The following SUN2 variants were observed in gnomAD, a reference collection of about 807,000 sequenced individuals.
The protein encoded by SUN2 is Sad1 and UNC84 domain containing 2, also known as SUN domain-containing protein 2.
SUN2 carries 60 observed loss-of-function variants against 100.0 expected under a neutral mutation model. That is an observed-to-expected ratio of 0.60 (90% CI 0.49 to 0.74). SUN2 has a LOEUF of 0.74. SUN2 is among the 30% of genes least tolerant of loss of function. SUN2 has a pLI of 0.00. For missense variants in SUN2, 834 were observed against 954.6 expected (o/e 0.87, Z 1.66); for synonymous variants, 367 against 403.3 (o/e 0.91, Z 1.08).
intron 8 of SUN2, chr22:38,744,964 C>T: frequency 2.2e-6 from 1 of 453,368 alleles, no homozygotes; most frequent in East Asian, 7.0e-5. Flanking sequence ...TGCAGCCGCA[C>T]CTCTGTCATG....
At chr22:38,743,910 A>G (rs2092880596) in intron 8 of SUN2, 1 of 152,184 alleles carries the variant, frequency 6.6e-6, no homozygotes, top group Non-Finnish European at 1.5e-5. Flanking sequence ...TGGAAAGACC[A>G]TGGTCTGGAA....
chr22:38,738,310 G>T lies in SUN2; in HGVS notation c.1948-45C>A. The T allele has an allele frequency of 1.3e-6, 2 of 1,521,012 alleles. No individual in the cohort carries two copies. The highest frequency in any genetic ancestry group is 1.8e-6 in the Non-Finnish European group (2 of 1,100,214). The allele number at this position is 1,521,012 out of a possible 1,614,324, so 94.2% of individuals were successfully genotyped here. On this transcript the variant is annotated intron_variant, in intron 16 of 17. Transcript: ENST00000689035. The surrounding 1 kb of genome is among the most constrained non-coding windows in gnomAD (Gnocchi z 6.6). ...AAGTGGGGAGGGGCTGGAGCAGGGA[G>T]AACACCCCTCCCCACTCCAATCCCT...
Position 38,739,008 on chromosome 22 carries a change from C to T in SUN2, c.1664-20G>A. On this transcript the variant is annotated intron_variant, in intron 14 of 17. Coordinates refer to ENST00000689035, the MANE Select transcript of SUN2 (RefSeq NM_015374.3). The surrounding 1 kb of genome is among the most constrained non-coding windows in gnomAD (Gnocchi z 6.7). ...TGGCCCCTGAGACAGGAGAGGAAGG[C>T]AGGGTGGGCTCCCGCACGGGAGGAG... is the stretch of plus-strand genomic sequence containing the variant. 1 of 1,597,424 alleles carries T rather than the reference C, an allele frequency of 6.3e-7. No individual in the cohort carries two copies. Among genetic ancestry groups the T allele is most frequent in the Non-Finnish European group, 8.5e-7 (1 of 1,172,284 alleles).
chr22:38,739,669 C>A lies in SUN2; in HGVS notation c.1578+53G>T. 1 of 1,587,424 alleles carries A rather than the reference C, an allele frequency of 6.3e-7. No homozygotes were observed. The highest frequency in any genetic ancestry group is 8.6e-7 in the Non-Finnish European group (1 of 1,162,326). On this transcript the variant is annotated intron_variant, in intron 13 of 17. Transcript: ENST00000689035. The surrounding 1 kb of genome is among the most constrained non-coding windows in gnomAD (Gnocchi z 6.7). ...TGGCAGTGTGGGACTGTCCAGGGCTCCCAGGGAGGAGAGCTGTGGGTGGGT... is the reference window on the plus strand; with the variant it reads ...TGGCAGTGTGGGACTGTCCAGGGCTACCAGGGAGGAGAGCTGTGGGTGGGT...
At chr22:38,745,067 G>A (rs1373724014) in intron 8 of SUN2, 14 of 470,910 alleles carry the variant, frequency 3.0e-5, no homozygotes, top group Non-Finnish European at 5.7e-5. Context: ...CCAACAGAAT[G>A]TGGCGGGAGT....
chr22:38,740,454 T>C lies in SUN2; in HGVS notation c.1191-22A>G. On this transcript the variant is annotated intron_variant, in intron 11 of 17. Transcript: ENST00000689035. The surrounding 1 kb of genome is among the most constrained non-coding windows in gnomAD (Gnocchi z 4.8). The stretch of plus-strand genomic sequence containing the variant: ...CATGCTGGTCCCAGAGAGAGAAGAG[T>C]AAGCCTCGGATCTCTTTGGTGGGAG... 3.4e-6 allele frequency: 5 copies of C among 1,458,230 alleles called. No homozygotes were observed. In the South Asian group the frequency reaches 7.0e-5, roughly 20 times the overall value. The allele number at this position is 1,458,230 out of a possible 1,614,324, so 90.3% of individuals were successfully genotyped here.
chr22:38,748,975 T>TAG (rs1381414745), intron 6 of SUN2, 192 bp from the exon 7 acceptor site: 1 of 553,408 alleles, frequency 1.8e-6, no homozygotes, highest in Non-Finnish European at 3.3e-6. Flanking sequence ...GGGCAGGTCT[T>TAG]AGAGTGATGG....
rs2092975621 is a variant in SUN2 at position 38,755,058 on chromosome 22, G to A, written c.-38+705C>T. On this transcript the variant is annotated intron_variant, in intron 1 of 17. Coordinates refer to ENST00000689035, the MANE Select transcript of SUN2 (RefSeq NM_015374.3). The surrounding 1 kb of genome is among the most constrained non-coding windows in gnomAD (Gnocchi z 5.7). ...TCAGTTAGGAAACGCTCATCGGAAA[G>A]CATCCTTCCCCACTTCTCAGCTGGG... is the stretch of plus-strand genomic sequence containing the variant. 4.9e-6 allele frequency: 5 copies of A among 1,028,578 alleles called. No individual in the cohort carries two copies. In the East Asian group the frequency reaches 3.1e-4, roughly 64 times the overall value. The allele number at this position is 1,028,578 out of a possible 1,614,324, so 63.7% of individuals were successfully genotyped here.
At chr22:38,753,499 A>T (rs971988262) in intron 1 of SUN2, among the ~76,000 whole-genome samples, 4 of 152,108 alleles carry the variant, frequency 2.6e-5, no homozygotes, top group Non-Finnish European at 5.9e-5. Context: ...TACAGGCATG[A>T]GCCACCACGC....
chr22:38,750,201 A>G (rs766166818), intron 5 of SUN2, 24 bp downstream of exon 5: 1 of 1,603,904 alleles, frequency 6.2e-7, no homozygotes, highest in South Asian at 1.1e-5. Flanking sequence ...GAATGGAAGT[A>G]ACTGGGCACG....
chr22:38,739,752 C>A lies in SUN2; in HGVS notation c.1548G>T (p.Gln516His), dbSNP rs746147670. The stretch of plus-strand genomic sequence containing the variant: ...CTGTCACTCCAATCACACCTTCTTT[C>A]TGCAGCGTCAGGCTCAGGGAGGCCG... ...EAAASLSLTL[Q>H]KEGVIGVTEE... is the part of the protein sequence containing the mutation. Residue 516 changes from glutamine to histidine, a missense_variant, in exon 13 of 18, where the codon CAG becomes CAT. Transcript: ENST00000689035. The surrounding 1 kb of genome is among the most constrained non-coding windows in gnomAD (Gnocchi z 6.7). 1 of 1,613,732 alleles carries A rather than the reference C, an allele frequency of 6.2e-7. No homozygotes were observed. Among genetic ancestry groups the A allele is most frequent in the East Asian group, 2.2e-5 (1 of 44,886 alleles).
chr22:38,750,165 G>T (rs1480641252), intron 5 of SUN2, 60 bp downstream of exon 5: 1 of 1,582,936 alleles, frequency 6.3e-7, no homozygotes, highest in Non-Finnish European at 8.6e-7. Flanking sequence ...ACTGCAGAGA[G>T]ATGGGTAAGA....
chr22:38,745,231 A>ACCAGCTGGCCC (rs939909435), intron 8 of SUN2: 4 of 468,864 alleles, frequency 8.5e-6, no homozygotes, highest in Admixed American at 2.4e-5. Flanking sequence ...AAGGGCCTTG[A>ACCAGCTGGCCC]CCAGCTGGCC....
rs1260872897 is a variant in SUN2 at position 38,751,150 on chromosome 22, AGGAGTATCTCGCGGGAG to A, written c.286+43_286+59del. ...CCCGGGGACTGCAGGGGACACTGTG[AGGAGTATCTCGCGGGAG>A]GCCGAGGAAGCAAAGCCCCGGGACG... is the stretch of plus-strand genomic sequence containing the variant. On this transcript the variant is annotated intron_variant, in intron 3 of 17. Coordinates refer to ENST00000689035, the MANE Select transcript of SUN2 (RefSeq NM_015374.3). The A allele has an allele frequency of 1.9e-6, 3 of 1,605,492 alleles. No homozygotes were observed. In the East Asian group the frequency reaches 6.7e-5, roughly 36 times the overall value.
Position 38,736,186 on chromosome 22 carries a change from G to C in SUN2, c.*81C>G, listed in dbSNP as rs377680508. 2.3e-6 allele frequency: 3 copies of C among 1,323,848 alleles called. No homozygotes were observed. Among genetic ancestry groups the C allele is most frequent in the African/African-American group, 1.4e-5 (1 of 69,010 alleles). 82.0% of individuals were successfully genotyped at this position (1,323,848 alleles called of 1,614,324 possible). ...CTCTTGTGCTCCTAGAAGTCAGAGC[G>C]CCGAGCAAGCGTGTGGGGGAAGCGG... On this transcript the variant is annotated 3_prime_UTR_variant, in exon 18 of 18. Coordinates refer to ENST00000689035, the MANE Select transcript of SUN2 (RefSeq NM_015374.3).
At chr22:38,742,850 T>A in intron 8 of SUN2, 1 of 356,166 alleles carries the variant, frequency 2.8e-6, no homozygotes, top group Non-Finnish European at 5.2e-6. Flanking sequence ...AAGGTCTGAG[T>A]GCAGGGATGG....
Position 38,755,834 on chromosome 22 carries a change from T to G in SUN2, c.-109A>C. The G allele has an allele frequency of 1.0e-6, 1 of 982,966 alleles. No individual in the cohort carries two copies. The highest frequency in any genetic ancestry group is 1.2e-6 in the Non-Finnish European group (1 of 829,064). The allele number at this position is 982,966 out of a possible 1,614,324, so 60.9% of individuals were successfully genotyped here. A position where few individuals can be genotyped will look rare whatever the true frequency, so the allele number is the denominator to read the frequency against. On this transcript the variant is annotated 5_prime_UTR_variant, in exon 1 of 18. Coordinates refer to ENST00000689035, the MANE Select transcript of SUN2 (RefSeq NM_015374.3). This position sits in a 1 kb window ranked among gnomAD's most constrained non-coding sequence, Gnocchi z 5.7. ...GGCCGCCGCCGGGGCGCGCCCCCTT[T>G]CCGCGTGGGGATCCCGCGGGCGGCG... is the stretch of plus-strand genomic sequence containing the variant.
intron 1 of SUN2, chr22:38,754,611 C>A (rs763326415): frequency 1.2e-5 from 6 of 515,468 alleles, no homozygotes; most frequent in South Asian, 7.7e-5. Context: ...TCTCCCCTCC[C>A]CCCTCCCTGC....
chr22:38,742,652 A>G, intron 8 of SUN2, 97 bp from the exon 9 acceptor site: 1 of 1,460,104 alleles, frequency 6.8e-7, no homozygotes, highest in Non-Finnish European at 9.2e-7. Flanking sequence ...AAGAAAGGGA[A>G]AAGATTCCAG....
Sources: gnomAD v4.1 joint callset for allele counts (sites outside exome capture counted in the v4.1 genomes callset) on GRCh38, gnomAD v4.1.1 for gene constraint, Gnocchi (gnomAD v3.1) non-coding constraint, MANE v1.5 for transcripts, NCBI Gene and HGNC (gene_info 2026-07-23, HGNC 2026-07-21) for gene names.